Variants in COG5 observed in about 807,000 individuals in gnomAD.
COG5 encodes conserved oligomeric Golgi complex subunit 5.
In COG5, 86 loss-of-function variants were observed where a neutral mutation model predicts 110.4. That is an observed-to-expected ratio of 0.78 (90% CI 0.65 to 0.93). The LOEUF is 0.93. Among genes scored for constraint, COG5 ranks in the 40% least tolerant of loss-of-function variants. The pLI is 0.00. For synonymous variants in COG5, 360 were observed against 334.6 expected, an observed-to-expected ratio of 1.08 and a Z score of -0.83; for missense variants, 1,077 against 987.0, an observed-to-expected ratio of 1.09 and a Z score of -1.22.
At chr7:107,388,838 T>C (rs1161373180) in intron 7 of COG5, among the ~76,000 whole-genome samples, 2 of 152,110 alleles carry the variant, frequency 1.3e-5, no homozygotes, top group Non-Finnish European at 2.9e-5. Context: ...GGACCCAACC[T>C]GGTACCAGAG....
chr7:107,375,160 A>G (rs895898570), intron 7 of COG5, among the ~76,000 whole-genome samples: 5 of 151,894 alleles, frequency 3.3e-5, no homozygotes, highest in Non-Finnish European at 7.4e-5. Context: ...TACTCAACAT[A>G]TTTTTTTGTG....
At chr7:107,385,426 A>T (rs1399838091) in intron 7 of COG5, among the ~76,000 whole-genome samples, 1 of 152,250 alleles carries the variant, frequency 6.6e-6, no homozygotes, top group East Asian at 1.9e-4. Flanking sequence ...ACATAAGGGT[A>T]ACAGAAAACA....
chr7:107,221,608 C>CA (rs929577615), intron 19 of COG5, among the ~76,000 whole-genome samples: 59 of 151,612 alleles, frequency 3.9e-4, no homozygotes, highest in African/African-American at 1.4e-3. Flanking sequence ...ACTAAAAATA[C>CA]AAAAAAATTA....
At chr7:107,438,022 T>C (rs1166036974) in intron 6 of COG5, among the ~76,000 whole-genome samples, 1 of 152,166 alleles carries the variant, frequency 6.6e-6, no homozygotes, top group Admixed American at 6.6e-5. Flanking sequence ...TCAATACCTC[T>C]TCCTTCTTTT....
intron 5 of COG5, 116 bp from the exon 6 acceptor site, chr7:107,527,473 T>A (rs1467334973): frequency 8.8e-7 from 1 of 1,132,186 alleles, no homozygotes; most frequent in Non-Finnish European, 1.3e-6. Context: ...TGGCACATGT[T>A]TACCTATGTA....
intron 12 of COG5, among the ~76,000 whole-genome samples, chr7:107,287,588 C>A (rs1379090130): frequency 6.6e-6 from 1 of 152,148 alleles, no homozygotes; most frequent in Non-Finnish European, 1.5e-5. Context: ...AATTTTAGAA[C>A]ATTTTATCAC....
At position 107,362,366 on chromosome 7, in the gene COG5, G is replaced by A; in HGVS notation, c.890C>T (p.Ala297Val). 6.2e-7 allele frequency: 1 copy of A among 1,613,876 alleles called. No individual in the cohort carries two copies. The highest frequency in any genetic ancestry group is 1.1e-5 in the South Asian group (1 of 91,082). Residue 297 changes from alanine to valine, a missense_variant, in exon 9 of 22, where the codon GCC becomes GTC. Ala to Val is a moderately conservative substitution (Grantham distance 64). Transcript: ENST00000297135. ...PTPGNTAALR[A>V]SFWTNMEKLM... The stretch of plus-strand genomic sequence containing the variant: ...TTTCTCCATATTGGTCCAGAATGAG[G>A]CACGCAAAGCTGCAGTATTTCCTGG...
intron 6 of COG5, among the ~76,000 whole-genome samples, chr7:107,452,955 G>A (rs1795431044): frequency 6.6e-6 from 1 of 152,100 alleles, no homozygotes; most frequent in Non-Finnish European, 1.5e-5. Flanking sequence ...GCAGACTAGT[G>A]TCTGTCTTAT....
At chr7:107,287,521 G>A (rs140104147) in intron 12 of COG5, among the ~76,000 whole-genome samples, 1 of 152,240 alleles carries the variant, frequency 6.6e-6, no homozygotes, top group African/African-American at 2.4e-5. Flanking sequence ...ATCACTGAAA[G>A]TATACAATTT....
intron 6 of COG5, among the ~76,000 whole-genome samples, chr7:107,507,254 T>C (rs1221362269): frequency 6.6e-6 from 1 of 152,060 alleles, no homozygotes; most frequent in Non-Finnish European, 1.5e-5. Context: ...TTCCTATCAA[T>C]GAACAATTTT....
At position 107,474,276 on chromosome 7, in the gene COG5, A is replaced by G. The variant is rs1341876602; in HGVS notation, c.538+52961T>C. On this transcript the variant is annotated intron_variant, in intron 6 of 21. Coordinates refer to ENST00000297135, the MANE Select transcript of COG5 (RefSeq NM_006348.5). This position sits in a 1 kb window ranked among gnomAD's most constrained non-coding sequence, Gnocchi z 5.7. ...TACTTTACTGCATGAAATCCAACTT[A>G]ATCAACTCTGTCAGTAACATTATTA... The G allele has an allele frequency of 6.2e-7, 1 of 1,611,970 alleles. No individual in the cohort carries two copies. Among genetic ancestry groups the G allele is most frequent in the Admixed American group, 1.7e-5 (1 of 59,930 alleles).
chr7:107,304,419 CCT>C (rs1562960100), intron 11 of COG5, among the ~76,000 whole-genome samples: 1 of 152,104 alleles, frequency 6.6e-6, no homozygotes, highest in East Asian at 1.9e-4. Flanking sequence ...GTCTTATTTT[CCT>C]CTGTGTTTCT....
At chr7:107,338,388 A>C (rs1292550321) in intron 10 of COG5, among the ~76,000 whole-genome samples, 1 of 152,166 alleles carries the variant, frequency 6.6e-6, no homozygotes, top group East Asian at 1.9e-4. Context: ...CAAGGCTACA[A>C]AATGGGGAAA....
chr7:107,450,522 T>C lies in COG5; in HGVS notation c.539-37890A>G, dbSNP rs533217883. Among the ~76,000 whole-genome samples the C allele has an allele frequency of 1.4e-4, 22 of 152,342 alleles. No individual in the cohort carries two copies. The South Asian group carries it at 4.1e-3, about 29-fold the overall frequency. On this transcript the variant is annotated intron_variant, in intron 6 of 21. Transcript: ENST00000297135. ...AGAAAATCATTGAAGAGAAAGGATA[T>C]ATGCCTGAACAGGTTTTTAATGTGG... is the stretch of plus-strand genomic sequence containing the variant.
At chr7:107,479,963 G>A (rs1323823429) in intron 6 of COG5, among the ~76,000 whole-genome samples, 1 of 151,988 alleles carries the variant, frequency 6.6e-6, no homozygotes, top group Non-Finnish European at 1.5e-5. Context: ...TTTTTTCCCT[G>A]AATAACTTAT....
At chr7:107,484,915 G>T (rs1797567641) in intron 6 of COG5, among the ~76,000 whole-genome samples, 2 of 151,998 alleles carry the variant, frequency 1.3e-5, no homozygotes, top group South Asian at 4.2e-4. Context: ...TGTGTAGAAA[G>T]AGGAGGGTAG....
At chr7:107,372,122 A>T (rs1814229404) in intron 8 of COG5, among the ~76,000 whole-genome samples, 1 of 152,162 alleles carries the variant, frequency 6.6e-6, no homozygotes, top group African/African-American at 2.4e-5. Context: ...ACTTTACTAC[A>T]GTTGTAATGT....
At chr7:107,559,477 G>A (rs577238263) in intron 1 of COG5, among the ~76,000 whole-genome samples, 1 of 152,250 alleles carries the variant, frequency 6.6e-6, no homozygotes, top group African/African-American at 2.4e-5. Flanking sequence ...CTCCAAGAGG[G>A]GAAGAAGGTC....
At chr7:107,323,408 G>A (rs1337423987) in intron 11 of COG5, among the ~76,000 whole-genome samples, 1 of 152,102 alleles carries the variant, frequency 6.6e-6, no homozygotes, top group Non-Finnish European at 1.5e-5. Flanking sequence ...GTACATTCCT[G>A]TAGTCCCAGC....
Sources: allele counts gnomAD v4.1 joint callset (sites outside exome capture counted in the v4.1 genomes callset), GRCh38; gene constraint gnomAD v4.1.1; non-coding constraint Gnocchi (gnomAD v3.1); transcripts MANE v1.5; gene names NCBI Gene and HGNC (gene_info 2026-07-23, HGNC 2026-07-21).